The following NCOR1 variants were observed in gnomAD, a reference collection of about 807,000 sequenced individuals.
NCOR1 encodes the protein nuclear receptor corepressor 1, also known as protein phosphatase 1, regulatory subunit 109.
In NCOR1, 63 loss-of-function variants were observed where a neutral mutation model predicts 288.1. The observed-to-expected ratio is 0.22, with a 90% CI of 0.18 to 0.27. The LOEUF is 0.27. NCOR1 is among the 10% of genes least tolerant of loss of function. The pLI, the probability that NCOR1 is intolerant of heterozygous loss-of-function variation, is 1.00. For synonymous variants in NCOR1, 1,007 were observed against 1,065.9 expected (o/e 0.94, Z 1.08); for missense variants, 2,397 against 3,019.2 (o/e 0.79, Z 4.83).
At chr17:16,135,857 C>T (rs1329005085) in intron 14 of NCOR1, among the ~76,000 whole-genome samples, 2 of 152,110 alleles carry the variant, frequency 1.3e-5, no homozygotes, top group African/African-American at 2.4e-5. Context: ...GGCTATCAAA[C>T]GAAGAAAGGG....
chr17:16,067,798 T>C (rs1273434475), intron 32 of NCOR1, 96 bp downstream of exon 32: 1 of 1,167,020 alleles, frequency 8.6e-7, no homozygotes. Context: ...TTAATGATAT[T>C]TGCAATTGTA....
At chr17:16,048,135 A>G (rs753155017) in intron 41 of NCOR1, among the ~76,000 whole-genome samples, 2 of 152,240 alleles carry the variant, frequency 1.3e-5, no homozygotes, top group Non-Finnish European at 2.9e-5. Flanking sequence ...GACCATGAGC[A>G]AGTGACATGT....
At chr17:16,199,578 A>G (rs2090479896) in intron 1 of NCOR1, among the ~76,000 whole-genome samples, 1 of 152,134 alleles carries the variant, frequency 6.6e-6, no homozygotes, top group African/African-American at 2.4e-5. Context: ...TCACTAAGAT[A>G]CCTCGGCAGA....
intron 41 of NCOR1, 44 bp from the exon 42 acceptor site, chr17:16,047,137 A>G: frequency 6.4e-7 from 1 of 1,552,938 alleles, no homozygotes; most frequent in Non-Finnish European, 8.7e-7. Flanking sequence ...CGTACTCCTA[A>G]TCCTGGGGAC....
At position 16,153,092 on chromosome 17, in the gene NCOR1, C is replaced by A. The variant is rs577357230; in HGVS notation, c.789+247G>T. 3.3e-5 allele frequency among the ~76,000 whole-genome samples: 5 copies of A among 152,114 alleles called. No homozygotes were observed. The South Asian group carries it at 1.0e-3, about 32-fold the overall frequency. On this transcript the variant is annotated intron_variant, in intron 7 of 45. Coordinates refer to ENST00000268712, the MANE Select transcript of NCOR1 (RefSeq NM_006311.4). ...GAGCTTTCTAATTCTGTTCTTAATT[C>A]TCATTCTGCCTGGAAGGATTAAATA...
At chr17:16,113,425 T>C (rs1256202049) in intron 18 of NCOR1, among the ~76,000 whole-genome samples, 5 of 152,220 alleles carry the variant, frequency 3.3e-5, no homozygotes, top group African/African-American at 4.8e-5. Context: ...GAAAACAATG[T>C]AGCCTCACAC....
intron 43 of NCOR1, 63 bp downstream of exon 43, chr17:16,040,378 T>C (rs2057340254): frequency 6.7e-6 from 9 of 1,344,016 alleles, no homozygotes; most frequent in Non-Finnish European, 9.6e-6. Flanking sequence ...TCAGTACATA[T>C]TTGTTGGACT....
intron 21 of NCOR1, among the ~76,000 whole-genome samples, chr17:16,092,677 ATATATATATATATATATATTTTTTTT>A (rs2065502790): frequency 2.3e-4 from 4 of 17,744 alleles, no homozygotes; most frequent in African/African-American, 6.1e-4. Context: ...ATATATATAT[ATATATATATATATATATATTTTTTTT>A]TTTTTTTTTT....
At chr17:16,164,782 C>A (rs150876737) in intron 5 of NCOR1, 197 bp downstream of exon 5, 1 of 407,504 alleles carries the variant, frequency 2.5e-6, no homozygotes, top group Non-Finnish European at 4.4e-6. Context: ...TCACTCTCTA[C>A]AATCATATAA....
At chr17:16,139,471 T>C (rs2076865291) in intron 11 of NCOR1, among the ~76,000 whole-genome samples, 1 of 152,222 alleles carries the variant, frequency 6.6e-6, no homozygotes, top group African/African-American at 2.4e-5. Context: ...AATAAAATTT[T>C]AGACCTGGAA....
chr17:16,154,615 G>C (rs965642447), intron 6 of NCOR1, among the ~76,000 whole-genome samples: 11 of 152,144 alleles, frequency 7.2e-5, no homozygotes, highest in African/African-American at 2.7e-4. Context: ...TCTTCTGGTG[G>C]GATATTACTA....
At position 16,064,090 on chromosome 17, in the gene NCOR1, G is replaced by C. The variant is rs891394821; in HGVS notation, c.5199C>G (p.Ser1733=). 6.2e-7 allele frequency: 1 copy of C among 1,614,116 alleles called. No individual in the cohort carries two copies. The highest frequency in any genetic ancestry group is 1.7e-5 in the Admixed American group (1 of 60,012). Residue 1733 remains serine (S), a synonymous_variant, in exon 35 of 46, where the codon TCC becomes TCG. Transcript: ENST00000268712. ...GACCTGGCCGCAGGTAGAGGTCGGA[G>C]GAAGCTGCAGCAATCCGTTCCCGCT... The part of the protein sequence containing the change: ...ERERERIAAA[S]SDLYLRPGSE...
intron 5 of NCOR1, among the ~76,000 whole-genome samples, chr17:16,162,314 GA>G (rs2081021144): frequency 6.6e-6 from 1 of 151,988 alleles, no homozygotes; most frequent in Admixed American, 6.6e-5. Flanking sequence ...AGACAAGAGT[GA>G]TAAGATGTTA....
At chr17:16,198,431 A>T (rs2153573159) in intron 1 of NCOR1, 1 of 148,000 alleles carries the variant, frequency 6.8e-6, no homozygotes, top group African/African-American at 2.5e-5. Context: ...GCTAAACAGT[A>T]TTTCTCTATA....
chr17:16,056,612 G>A (rs1026243571), intron 40 of NCOR1, among the ~76,000 whole-genome samples: 2 of 151,828 alleles, frequency 1.3e-5, no homozygotes, highest in Non-Finnish European at 2.9e-5. Context: ...CACCACGCCC[G>A]GCCTTCTCAG....
chr17:16,117,575 C>A (rs962308132), intron 18 of NCOR1, among the ~76,000 whole-genome samples: 10 of 149,780 alleles, frequency 6.7e-5, no homozygotes, highest in Admixed American at 4.0e-4. Flanking sequence ...GTAATCCCAG[C>A]ACTTTGGGAG....
chr17:16,144,276 T>C (rs545070821), intron 10 of NCOR1, among the ~76,000 whole-genome samples: 135 of 152,346 alleles, frequency 8.9e-4, no homozygotes, highest in Non-Finnish European at 1.2e-3. Flanking sequence ...GATATTTAGG[T>C]CTGTTCTTAC....
chr17:16,062,728 CCA>C (rs1218312125), intron 35 of NCOR1, among the ~76,000 whole-genome samples: 26 of 152,344 alleles, frequency 1.7e-4, no homozygotes, highest in African/African-American at 4.1e-4. Context: ...TTTCATTCAA[CCA>C]CAGTTTGCCC....
chr17:16,208,064 C>G lies in NCOR1; in HGVS notation c.-71+7298G>C, dbSNP rs1456681101. 6.0e-5 allele frequency among the ~76,000 whole-genome samples: 6 copies of G among 99,248 alleles called. No homozygotes were observed. In the South Asian group the frequency reaches 2.3e-3, roughly 37 times the overall value. 65.1% of individuals were successfully genotyped at this position (99,248 alleles called of 152,430 possible). A position where few individuals can be genotyped will look rare whatever the true frequency, so the allele number is the denominator to read the frequency against. On this transcript the variant is annotated intron_variant, in intron 1 of 45. Transcript: ENST00000268712. ...TTTTTTTTTTTTTTTTTTTTTGAGA[C>G]GGAGTCTCGCTCTGTCGCTAGGCTG...
Sources: gnomAD v4.1 joint callset for allele counts (sites outside exome capture counted in the v4.1 genomes callset) on GRCh38, gnomAD v4.1.1 for gene constraint, MANE v1.5 for transcripts, NCBI Gene and HGNC (gene_info 2026-07-23, HGNC 2026-07-21) for gene names.